The following APBB2 variants were observed in gnomAD, a reference collection of about 807,000 sequenced individuals.
APBB2 encodes amyloid beta precursor protein binding family B member 2.
APBB2 carries 38 observed loss-of-function variants against 82.5 expected under a neutral mutation model. The ratio of observed to expected loss-of-function variants is 0.46; its 90% CI spans 0.36 to 0.60. APBB2 has a LOEUF of 0.60. APBB2 is among the 20% of genes least tolerant of loss of function. The pLI, the probability that APBB2 is intolerant of heterozygous loss-of-function variation, is 0.00. For missense variants in APBB2, 772 were observed against 972.3 expected (o/e 0.79, Z 2.74); for synonymous variants, 341 against 368.2 (o/e 0.93, Z 0.85).
chr4:41,210,857 T>C (rs1023367432), intron 1 of APBB2, among the ~76,000 whole-genome samples: 2 of 152,252 alleles, frequency 1.3e-5, no homozygotes, highest in Admixed American at 1.3e-4. Context: ...CACGAGCATC[T>C]ACCTTTTCAG....
intron 1 of APBB2, among the ~76,000 whole-genome samples, chr4:41,192,576 A>AT (rs1774763809): frequency 1.3e-5 from 2 of 152,218 alleles, no homozygotes; most frequent in African/African-American, 4.8e-5. Flanking sequence ...TATATGTGGA[A>AT]TCTTAAAAAA....
intron 7 of APBB2, among the ~76,000 whole-genome samples, chr4:40,938,530 T>G (rs947399404): frequency 6.6e-6 from 1 of 152,190 alleles, no homozygotes; most frequent in Non-Finnish European, 1.5e-5. Flanking sequence ...GCATTATCTT[T>G]CAGCTGGAAA....
rs1580497852 is a variant in APBB2, at chr4:41,159,937, GAGGAGGAGAAGGAGA to G, written c.-416-16810_-416-16796del. 1.3e-4 allele frequency among the ~76,000 whole-genome samples: 4 copies of G among 30,646 alleles called. 1 individual carries two copies. The East Asian group carries it at 2.9e-3, about 22-fold the overall frequency. 20.1% of individuals were successfully genotyped at this position (30,646 alleles called of 152,430 possible). A position where few individuals can be genotyped will look rare whatever the true frequency, so the allele number is the denominator to read the frequency against. ...GGAGGAGGAGGAGGAGGAGGAGGAG[GAGGAGGAGAAGGAGA>G]AGGAGAAGGAGAAGAAGAAGAAGAA... On this transcript the variant is annotated intron_variant, in intron 1 of 17. Transcript: ENST00000508593.
intron 6 of APBB2, among the ~76,000 whole-genome samples, chr4:41,000,105 G>GTA (rs533326927): frequency 0.046 from 6,280 of 135,084 alleles, 372 homozygotes; most frequent in Middle Eastern, 0.088. Context: ...GTGTGTGTGT[G>GTA]TATAAATTAG....
In APBB2 at chr4:41,187,489, T is replaced by C. The variant is rs548368889; in HGVS notation, c.-417+26916A>G. Among the ~76,000 whole-genome samples the C allele has an allele frequency of 8.5e-5, 13 of 152,320 alleles. 1 individual carries two copies. The highest frequency in any genetic ancestry group is 2.9e-4 in the African/African-American group (12 of 41,574). On this transcript the variant is annotated intron_variant, in intron 1 of 17. Coordinates refer to ENST00000508593, the MANE Select transcript of APBB2 (RefSeq NM_004307.2). ...AGGAGATAAATGAATTTAATGACCATGGGCTATGAATTCAGAAGGCTTTGT... is the reference window on the plus strand; with the variant it reads ...AGGAGATAAATGAATTTAATGACCACGGGCTATGAATTCAGAAGGCTTTGT...
intron 10 of APBB2, among the ~76,000 whole-genome samples, chr4:40,904,428 C>CAAATAAATAAATAAAT (rs71198612): frequency 2.1e-5 from 3 of 144,210 alleles, no homozygotes; most frequent in East Asian, 2.0e-4. Context: ...GAGACTCCAT[C>CAAATAAATAAATAAAT]AAATAAATAA....
chr4:40,902,424 G>A (rs1352837637), intron 10 of APBB2, among the ~76,000 whole-genome samples: 2 of 152,226 alleles, frequency 1.3e-5, no homozygotes, highest in East Asian at 3.9e-4. Context: ...ATGGGTATAG[G>A]AAAGTAGGGA....
At chr4:40,990,979 C>T (rs1801862308) in intron 6 of APBB2, among the ~76,000 whole-genome samples, 1 of 144,656 alleles carries the variant, frequency 6.9e-6, no homozygotes, top group Non-Finnish European at 1.5e-5. Context: ...CTGCTAACTA[C>T]ATAGATTTCT....
chr4:41,068,140 A>G (rs141479085), intron 3 of APBB2, among the ~76,000 whole-genome samples: 3 of 152,346 alleles, frequency 2.0e-5, no homozygotes, highest in African/African-American at 7.2e-5. Flanking sequence ...GCCTGAAATC[A>G]TGGATAGAAC....
intron 2 of APBB2, among the ~76,000 whole-genome samples, chr4:41,101,117 C>A (rs2094491254): frequency 6.6e-6 from 1 of 152,150 alleles, no homozygotes; most frequent in African/African-American, 2.4e-5. Flanking sequence ...TCACACTTGC[C>A]AGTTCCCACT....
At chr4:41,020,971 G>A (rs754877780) in intron 5 of APBB2, among the ~76,000 whole-genome samples, 3 of 152,156 alleles carry the variant, frequency 2.0e-5, no homozygotes, top group African/African-American at 7.2e-5. Flanking sequence ...ATCAGACAAC[G>A]CCTTTCAAAC....
At chr4:41,086,501 T>C (rs959202245) in intron 3 of APBB2, among the ~76,000 whole-genome samples, 9 of 152,176 alleles carry the variant, frequency 5.9e-5, no homozygotes, top group African/African-American at 2.2e-4. Flanking sequence ...AATGCAAGGA[T>C]AGTTCAACAT....
In APBB2 at chr4:41,127,708, C is replaced by T. The variant is rs1417182493; in HGVS notation, c.-261+15279G>A. On this transcript the variant is annotated intron_variant, in intron 2 of 17. Coordinates refer to ENST00000508593, the MANE Select transcript of APBB2 (RefSeq NM_004307.2). This position sits in a 1 kb window ranked among gnomAD's most constrained non-coding sequence, Gnocchi z 4.8. ...TAAAAAGTGGGCAAAAGGCTAGGCA[C>T]GATGGGTCATGCCTGTAATCCCAGC... 2.0e-5 allele frequency among the ~76,000 whole-genome samples: 3 copies of T among 152,192 alleles called. No homozygotes were observed. The highest frequency in any genetic ancestry group is 2.1e-4 in the South Asian group (1 of 4,828).
chr4:40,945,676 G>C (rs1168674164), intron 6 of APBB2, among the ~76,000 whole-genome samples: 1 of 152,086 alleles, frequency 6.6e-6, no homozygotes, highest in Admixed American at 6.5e-5. Context: ...GCAGTGGTGC[G>C]ATCCCGGCTC....
At chr4:40,890,660 C>T (rs762119275) in intron 11 of APBB2, among the ~76,000 whole-genome samples, 169 bp from the exon 12 acceptor site, 1 of 151,664 alleles carries the variant, frequency 6.6e-6, no homozygotes, top group Non-Finnish European at 1.5e-5. Context: ...TGATATCTTT[C>T]AGTTTCCCCT....
At chr4:40,975,666 A>G (rs1271285755) in intron 6 of APBB2, among the ~76,000 whole-genome samples, 2 of 151,972 alleles carry the variant, frequency 1.3e-5, no homozygotes, top group Non-Finnish European at 2.9e-5. Context: ...GAGTTGGCCT[A>G]GCAAGAGAAC....
intron 12 of APBB2, among the ~76,000 whole-genome samples, chr4:40,840,582 A>G (rs1755463192): frequency 6.6e-6 from 1 of 152,154 alleles, no homozygotes; most frequent in Non-Finnish European, 1.5e-5. Context: ...TGGTAAGCTT[A>G]ACTTACTTTC....
intron 2 of APBB2, among the ~76,000 whole-genome samples, chr4:41,133,194 C>T (rs1756579411): frequency 6.6e-6 from 1 of 152,092 alleles, no homozygotes; most frequent in African/African-American, 2.4e-5. Context: ...AGCACATATA[C>T]AGAACTACTT....
Position 40,811,140 on chromosome 4 carries a change from T to G in APBB2, c.*4952A>C, listed in dbSNP as rs1236657064. 2.0e-5 allele frequency: 3 copies of G among 152,220 alleles called. No individual in the cohort carries two copies. Among genetic ancestry groups the G allele is most frequent in the Non-Finnish European group, 2.9e-5 (2 of 68,042 alleles). 9.4% of individuals were successfully genotyped at this position (152,220 alleles called of 1,614,324 possible). On this transcript the variant is annotated 3_prime_UTR_variant, in exon 18 of 18. Coordinates refer to ENST00000508593, the MANE Select transcript of APBB2 (RefSeq NM_004307.2). Reference sequence around the variant, plus strand: ...ATTTGGCACTAAATTATTTTTCTCTTTAGAAGTATATGAAGATTCTGAATT... The same window carrying G: ...ATTTGGCACTAAATTATTTTTCTCTGTAGAAGTATATGAAGATTCTGAATT...
Sources: gnomAD v4.1 joint callset for allele counts (sites outside exome capture counted in the v4.1 genomes callset) on GRCh38, gnomAD v4.1.1 for gene constraint, Gnocchi (gnomAD v3.1) non-coding constraint, MANE v1.5 for transcripts, NCBI Gene and HGNC (gene_info 2026-07-23, HGNC 2026-07-21) for gene names.